PCDHGB6: variants seen among roughly 807,000 people sequenced by gnomAD.
PCDHGB6 encodes protocadherin gamma subfamily B, 6.
A neutral mutation model predicts 59.1 loss-of-function variants in PCDHGB6; 51 were observed. The ratio of observed to expected loss-of-function variants is 0.86; its 90% CI spans 0.69 to 1.09. The LOEUF (loss-of-function observed/expected upper bound fraction) is 1.09, where lower values mean the gene tolerates loss of function less well. Among genes scored for constraint, PCDHGB6 ranks in the 50% least tolerant of loss-of-function variants. PCDHGB6 has a pLI of 0.00. For missense variants in PCDHGB6, 1,148 were observed against 1,205.1 expected (o/e 0.95, Z 0.70); for synonymous variants, 466 against 495.1 (o/e 0.94, Z 0.78).
At position 141,486,602 on chromosome 5, in the gene PCDHGB6, C is replaced by T; in HGVS notation, c.2419-8205C>T. The stretch of plus-strand genomic sequence containing the variant: ...TCGCCCAGGGGACCTGCTTTGCTCC[C>T]TTGCAGCCTCTGACCCAGACTCTGG... On this transcript the variant is annotated intron_variant, in intron 1 of 3. Transcript: ENST00000520790. The surrounding 1 kb of genome is among the most constrained non-coding windows in gnomAD (Gnocchi z 5.0). 6.2e-7 allele frequency: 1 copy of T among 1,613,572 alleles called. No homozygotes were observed. Among genetic ancestry groups the T allele is most frequent in the Non-Finnish European group, 8.5e-7 (1 of 1,180,026 alleles).
Position 141,490,293 on chromosome 5 carries a change from A to G in PCDHGB6, c.2419-4514A>G, listed in dbSNP as rs1316965652. On this transcript the variant is annotated intron_variant, in intron 1 of 3. Transcript: ENST00000520790. The surrounding 1 kb of genome is among the most constrained non-coding windows in gnomAD (Gnocchi z 5.4). ...TCAATGACAATGCCCCAGAGGTGCTATTGGCCTCTTTGGCCAACCCTGTCC... is the reference window on the plus strand; with the variant it reads ...TCAATGACAATGCCCCAGAGGTGCTGTTGGCCTCTTTGGCCAACCCTGTCC... The G allele has an allele frequency of 1.2e-6, 2 of 1,614,190 alleles. No individual in the cohort carries two copies. The highest frequency in any genetic ancestry group is 8.5e-7 in the Non-Finnish European group (1 of 1,180,028).
In PCDHGB6 at chr5:141,477,510, A is replaced by G; in HGVS notation, c.2419-17297A>G. On this transcript the variant is annotated intron_variant, in intron 1 of 3. Transcript: ENST00000520790. This position sits in a 1 kb window ranked among gnomAD's most constrained non-coding sequence, Gnocchi z 4.9. ...TCTTCTCAATCTTCCTACGACGTTT[A>G]CATTGAAGAAAACAACCTCCCCGGG... is the stretch of plus-strand genomic sequence containing the variant. 3 of 1,614,172 alleles carry G rather than the reference A, an allele frequency of 1.9e-6. No homozygotes were observed. Among genetic ancestry groups the G allele is most frequent in the Non-Finnish European group, 2.5e-6 (3 of 1,180,018 alleles).
intron 1 of PCDHGB6, among the ~76,000 whole-genome samples, chr5:141,455,138 TTAAA>T (rs1193499111): frequency 1.3e-5 from 2 of 151,028 alleles, no homozygotes; most frequent in Admixed American, 1.3e-4. Context: ...TTACACTGTG[TTAAA>T]TAAATATTAG....
chr5:141,464,328 C>T (rs2099081878), intron 1 of PCDHGB6, among the ~76,000 whole-genome samples: 1 of 150,722 alleles, frequency 6.6e-6, no homozygotes, highest in Admixed American at 6.6e-5. Context: ...CTGTTCAACC[C>T]ATCTATGACT....
chr5:141,467,775 C>T (rs1464827506), intron 1 of PCDHGB6, among the ~76,000 whole-genome samples: 1 of 151,960 alleles, frequency 6.6e-6, no homozygotes, highest in Non-Finnish European at 1.5e-5. Context: ...GCCCGCACCT[C>T]AGCCTCTCAA....
At position 141,414,416 on chromosome 5, in the gene PCDHGB6, T is replaced by C. The variant is rs550804810; in HGVS notation, c.2418+3796T>C. The C allele has an allele frequency of 2.2e-5, 35 of 1,613,902 alleles. No homozygotes were observed. In the South Asian group the frequency reaches 3.5e-4, roughly 16 times the overall value. On this transcript the variant is annotated intron_variant, in intron 1 of 3. Coordinates refer to ENST00000520790, the MANE Select transcript of PCDHGB6 (RefSeq NM_018926.3). ...TACAGATTGGTGATACACAGAGCCCTTGACAGGGAACAGGTATCCTCTTAC... is the reference window on the plus strand; with the variant it reads ...TACAGATTGGTGATACACAGAGCCCCTGACAGGGAACAGGTATCCTCTTAC...
chr5:141,483,099 C>T (rs10068400), intron 1 of PCDHGB6, among the ~76,000 whole-genome samples: 3,098 of 152,014 alleles, frequency 0.02, 87 homozygotes, highest in African/African-American at 0.065. Flanking sequence ...AAAAAGTGTG[C>T]GTGTAAAACA....
At position 141,408,882 on chromosome 5, in the gene PCDHGB6, A is replaced by G. The variant is rs1561715935; in HGVS notation, c.680A>G (p.His227Arg). 6.2e-7 allele frequency: 1 copy of G among 1,613,404 alleles called. No individual in the cohort carries two copies. The highest frequency in any genetic ancestry group is 1.7e-5 in the Admixed American group (1 of 59,956). Residue 227 changes from histidine (H) to arginine (R), a missense_variant, in exon 1 of 4, where the codon CAC (histidine) becomes CGC (arginine). By Grantham distance (29) the His-to-Arg change is conservative (BLOSUM62 0). Around this residue, in one of 5 missense-constraint regions of PCDHGB6, gnomAD observed 307 missense variants for 323.8 expected, o/e 0.95. Transcript: ENST00000520790. ...GACCCACCAAGAAGTGCCACCGCTC[A>G]CATAGAAATTTCTGTCAAGGATACC... ...GGDPPRSATA[H>R]IEISVKDTND...
intron 1 of PCDHGB6, among the ~76,000 whole-genome samples, chr5:141,453,710 A>C (rs988115758): frequency 3.9e-5 from 6 of 152,242 alleles, no homozygotes; most frequent in African/African-American, 1.4e-4. Context: ...GAACAGTTTC[A>C]CTATAAAAAT....
At position 141,476,675 on chromosome 5, in the gene PCDHGB6, C is replaced by T. The variant is rs2099395961; in HGVS notation, c.2419-18132C>T. On this transcript the variant is annotated intron_variant, in intron 1 of 3. Transcript: ENST00000520790. The surrounding 1 kb of genome is among the most constrained non-coding windows in gnomAD (Gnocchi z 7.6). ...ATACTTTGCGCTTCGCGTGCAGACG[C>T]GGGAGGACAGCACCAAGTACGCGGA... 1.2e-6 allele frequency: 2 copies of T among 1,614,124 alleles called. No homozygotes were observed. The highest frequency in any genetic ancestry group is 8.5e-7 in the Non-Finnish European group (1 of 1,180,062).
At chr5:141,474,126 A>G (rs1450071391) in intron 1 of PCDHGB6, among the ~76,000 whole-genome samples, 2 of 152,232 alleles carry the variant, frequency 1.3e-5, no homozygotes, top group African/African-American at 4.8e-5. Context: ...AAAATCTCAG[A>G]AAACTACAGG....
At chr5:141,441,127 G>A (rs1224106490) in intron 1 of PCDHGB6, 2 of 152,138 alleles carry the variant, frequency 1.3e-5, no homozygotes, top group African/African-American at 2.4e-5. Context: ...AGTTGAGACC[G>A]AATTTCTAGA....
At chr5:141,415,469 C>G (rs1247738517) in intron 1 of PCDHGB6, 1 of 1,614,090 alleles carries the variant, frequency 6.2e-7, no homozygotes, top group Non-Finnish European at 8.5e-7. Context: ...TCTCTCACCG[C>G]GGACTCGCGA....
chr5:141,435,952 G>A lies in PCDHGB6; in HGVS notation c.2418+25332G>A, dbSNP rs944960593. ...TTGCTGCTTCTGAGACCAAAAAAGG[G>A]GGCAAAATATAGAGTGTGTGGTTCT... is the stretch of plus-strand genomic sequence containing the variant. On this transcript the variant is annotated intron_variant, in intron 1 of 3. Transcript: ENST00000520790. Among the ~76,000 whole-genome samples the A allele has an allele frequency of 2.6e-5, 4 of 152,098 alleles. No individual in the cohort carries two copies. The South Asian group carries it at 8.3e-4, about 32-fold the overall frequency.
chr5:141,419,878 G>T (rs1342215231), intron 1 of PCDHGB6: 1 of 1,613,942 alleles, frequency 6.2e-7, no homozygotes, highest in African/African-American at 1.3e-5. Context: ...AGGTACTGCC[G>T]GATTTCAGCG....
chr5:141,466,358 A>T (rs1210013683), intron 1 of PCDHGB6, among the ~76,000 whole-genome samples: 3 of 152,066 alleles, frequency 2.0e-5, no homozygotes, highest in Non-Finnish European at 4.4e-5. Context: ...GCTAATCTAG[A>T]TGTAATGGTT....
Position 141,427,760 on chromosome 5 carries a change from T to C in PCDHGB6, c.2418+17140T>C, listed in dbSNP as rs1464459008. On this transcript the variant is annotated intron_variant, in intron 1 of 3. Coordinates refer to ENST00000520790, the MANE Select transcript of PCDHGB6 (RefSeq NM_018926.3). The stretch of plus-strand genomic sequence containing the variant: ...AAGTCTCCTACTCCATCGTTACCAC[T>C]GACTTGGAGCTGCGGGCACTGTCGT... The C allele has an allele frequency of 4.4e-6, 6 of 1,360,822 alleles. No individual in the cohort carries two copies. The Admixed American group carries it at 5.1e-5, about 12-fold the overall frequency. 84.3% of individuals were successfully genotyped at this position (1,360,822 alleles called of 1,614,324 possible).
chr5:141,464,208 T>G (rs915798868), intron 1 of PCDHGB6, among the ~76,000 whole-genome samples: 1 of 148,120 alleles, frequency 6.8e-6, no homozygotes, highest in Admixed American at 6.9e-5. Context: ...GAGATTGCAG[T>G]GAGCTGAGAT....
Position 141,489,948 on chromosome 5 carries a change from T to G in PCDHGB6, c.2419-4859T>G. The G allele has an allele frequency of 6.2e-7, 1 of 1,614,210 alleles. No homozygotes were observed. Among genetic ancestry groups the G allele is most frequent in the Non-Finnish European group, 8.5e-7 (1 of 1,180,030 alleles). ...TCTCTGTCATCGTGCTGGACATCAA[T>G]GATAATGCTCCAACCTTCCAATCCT... On this transcript the variant is annotated intron_variant, in intron 1 of 3. Transcript: ENST00000520790. The surrounding 1 kb of genome is among the most constrained non-coding windows in gnomAD (Gnocchi z 4.5).
Sources: allele counts gnomAD v4.1 joint callset (sites outside exome capture counted in the v4.1 genomes callset), GRCh38; gene constraint gnomAD v4.1.1; regional missense constraint gnomAD v4.1.1; non-coding constraint Gnocchi (gnomAD v3.1); transcripts MANE v1.5; gene names NCBI Gene and HGNC (gene_info 2026-07-23, HGNC 2026-07-21).